The following MARCHF3 variants were observed in gnomAD, a reference collection of about 807,000 sequenced individuals.
MARCHF3 encodes the protein E3 ubiquitin-protein ligase MARCHF3.
MARCHF3 carries 13 observed loss-of-function variants against 24.2 expected under a neutral mutation model. The ratio of observed to expected loss-of-function variants is 0.54; its 90% CI spans 0.35 to 0.85. The LOEUF is 0.85. Among genes scored for constraint, MARCHF3 ranks in the 40% least tolerant of loss-of-function variants. The pLI, the probability that MARCHF3 is intolerant of heterozygous loss-of-function variation, is 0.01. For missense variants in MARCHF3, 276 were observed against 325.0 expected (o/e 0.85, Z 1.16); for synonymous variants, 144 against 137.3 (o/e 1.05, Z -0.34).
intron 3 of MARCHF3, among the ~76,000 whole-genome samples, chr5:126,903,770 C>A (rs1754185175): frequency 6.6e-6 from 1 of 151,982 alleles, no homozygotes; most frequent in South Asian, 2.1e-4. Flanking sequence ...CCCTATGGTA[C>A]ACCTGGAGAT....
intron 1 of MARCHF3, among the ~76,000 whole-genome samples, chr5:126,951,950 G>A (rs575876666): frequency 2.6e-5 from 4 of 152,160 alleles, no homozygotes; most frequent in African/African-American, 9.6e-5. Flanking sequence ...GGGTTCAAGC[G>A]ATTAATCTGC....
intron 3 of MARCHF3, among the ~76,000 whole-genome samples, chr5:126,879,591 AC>A (rs1315506173): frequency 2.0e-5 from 3 of 152,228 alleles, no homozygotes; most frequent in African/African-American, 7.2e-5. Flanking sequence ...CCATTTGGGT[AC>A]CTGCTTAATG....
At chr5:127,001,250 G>C (rs1165380529) in intron 1 of MARCHF3, among the ~76,000 whole-genome samples, 3 of 150,768 alleles carry the variant, frequency 2.0e-5, no homozygotes, top group Non-Finnish European at 4.4e-5. Context: ...AAAAAAAAAA[G>C]GTTCTACTGG....
At chr5:126,947,017 A>G (rs1561441251) in intron 1 of MARCHF3, among the ~76,000 whole-genome samples, 1 of 152,132 alleles carries the variant, frequency 6.6e-6, no homozygotes, top group African/African-American at 2.4e-5. Flanking sequence ...ATATGTCAAA[A>G]CATATCCAAT....
At chr5:126,972,656 A>G (rs760898044) in intron 1 of MARCHF3, among the ~76,000 whole-genome samples, 14 of 151,954 alleles carry the variant, frequency 9.2e-5, no homozygotes, top group Non-Finnish European at 2.1e-4. Flanking sequence ...ATCCACTTCC[A>G]CCCCCAACAG....
chr5:126,994,099 A>T (rs962109908), intron 1 of MARCHF3, among the ~76,000 whole-genome samples: 1 of 152,240 alleles, frequency 6.6e-6, no homozygotes, highest in Non-Finnish European at 1.5e-5. Context: ...ATAATGACCA[A>T]TATCTGGAAA....
At chr5:126,980,685 ACC>A (rs1269920005) in intron 1 of MARCHF3, among the ~76,000 whole-genome samples, 4 of 151,874 alleles carry the variant, frequency 2.6e-5, no homozygotes, top group Admixed American at 2.0e-4. Context: ...ATTTTTTAAA[ACC>A]CCAGCACAGG....
At chr5:126,957,763 G>C (rs1327363574) in intron 1 of MARCHF3, among the ~76,000 whole-genome samples, 1 of 151,956 alleles carries the variant, frequency 6.6e-6, no homozygotes, top group Non-Finnish European at 1.5e-5. Context: ...ACTGTGCTCA[G>C]ATTTTACTCA....
intron 4 of MARCHF3, among the ~76,000 whole-genome samples, chr5:126,873,430 A>G (rs11948702): frequency 6.6e-6 from 1 of 150,930 alleles, no homozygotes; most frequent in Non-Finnish European, 1.5e-5. Flanking sequence ...AAAAAGAGAG[A>G]CAGAGACAGA....
intron 1 of MARCHF3, among the ~76,000 whole-genome samples, chr5:127,021,264 G>A (rs887013406): frequency 6.6e-6 from 1 of 152,136 alleles, no homozygotes; most frequent in Admixed American, 6.5e-5. Context: ...GGGAACTGAG[G>A]TGGGGGTTAG....
chr5:126,873,120 T>TTACTAA (rs1300323504), intron 4 of MARCHF3, among the ~76,000 whole-genome samples: 3 of 152,090 alleles, frequency 2.0e-5, no homozygotes, highest in Non-Finnish European at 4.4e-5. Flanking sequence ...GCATTAGTAA[T>TTACTAA]TGGAGAAGTA....
At chr5:126,962,813 CTGTG>C (rs60754212) in intron 1 of MARCHF3, among the ~76,000 whole-genome samples, 4 of 110,146 alleles carry the variant, frequency 3.6e-5, no homozygotes, top group South Asian at 3.3e-4. Flanking sequence ...AATACTCAAC[CTGTG>C]TGTGTGTGTG....
At chr5:126,895,138 C>T (rs550871703) in intron 3 of MARCHF3, among the ~76,000 whole-genome samples, 39 of 152,170 alleles carry the variant, frequency 2.6e-4, no homozygotes, top group African/African-American at 8.2e-4. Flanking sequence ...ACGTAGTTCT[C>T]GAGCCTTGGT....
intron 1 of MARCHF3, among the ~76,000 whole-genome samples, chr5:126,937,433 C>A (rs1749682819): frequency 6.6e-6 from 1 of 152,108 alleles, no homozygotes. Flanking sequence ...TAAACAGGAG[C>A]CAGCAGCAAT....
intron 1 of MARCHF3, among the ~76,000 whole-genome samples, chr5:127,019,593 A>T (rs947331047): frequency 1.8e-4 from 28 of 152,362 alleles, no homozygotes; most frequent in African/African-American, 6.5e-4. Flanking sequence ...TCCAAGTAAC[A>T]TCTAAACTGC....
Position 127,018,468 on chromosome 5 carries a change from G to A in MARCHF3, c.-57+11882C>T, listed in dbSNP as rs78743444. Among the ~76,000 whole-genome samples the A allele has an allele frequency of 4.6e-3, 695 of 152,254 alleles. 4 individuals carry two copies. The highest frequency in any genetic ancestry group is 0.031 in the Middle Eastern group (9 of 292). ...AATGGGGCAGAAACAGAAAATTGGT[G>A]GTAGTGCAGGGGATCCTAACAGATG... On this transcript the variant is annotated intron_variant, in intron 1 of 4. Coordinates refer to ENST00000308660, the MANE Select transcript of MARCHF3 (RefSeq NM_178450.5).
chr5:126,982,779 C>A (rs1751432952), intron 1 of MARCHF3, among the ~76,000 whole-genome samples: 1 of 152,156 alleles, frequency 6.6e-6, no homozygotes, highest in African/African-American at 2.4e-5. Flanking sequence ...CTAATTAGAT[C>A]AAATGTGAAG....
intron 1 of MARCHF3, among the ~76,000 whole-genome samples, chr5:126,949,145 A>G (rs2126814472): frequency 6.6e-6 from 1 of 152,370 alleles, no homozygotes; most frequent in Admixed American, 6.5e-5. Flanking sequence ...ACAGTTATAA[A>G]TGCATTCAAG....
intron 1 of MARCHF3, among the ~76,000 whole-genome samples, chr5:126,956,659 A>AC (rs1429440860): frequency 1.4e-5 from 2 of 140,684 alleles, no homozygotes; most frequent in East Asian, 3.2e-4. Flanking sequence ...AAAAAAAAAA[A>AC]AAAAAAAAAA....
Sources: allele counts gnomAD v4.1 joint callset (sites outside exome capture counted in the v4.1 genomes callset), GRCh38; gene constraint gnomAD v4.1.1; transcripts MANE v1.5; gene names NCBI Gene and HGNC (gene_info 2026-07-23, HGNC 2026-07-21).